Variants in FAXC observed in about 807,000 individuals in gnomAD.
The protein encoded by FAXC is failed axon connections homolog, metaxin like GST domain containing.
FAXC carries 10 observed loss-of-function variants against 41.9 expected under a neutral mutation model. The ratio of observed to expected loss-of-function variants is 0.24; its 90% CI spans 0.15 to 0.41. The LOEUF (loss-of-function observed/expected upper bound fraction) is 0.41. Ranked by LOEUF, FAXC falls within the 10% of genes least tolerant of loss-of-function variation. The probability of loss-of-function intolerance (pLI) is 1.00; values close to 1 mark genes in which losing one functional copy is unlikely to be tolerated. For missense variants in FAXC, 399 were observed against 510.9 expected, an observed-to-expected ratio of 0.78 and a Z score of 2.11; for synonymous variants, 183 against 183.8, an observed-to-expected ratio of 1.00 and a Z score of 0.03.
At chr6:99,340,576 G>A (rs1305294961) in intron 2 of FAXC, among the ~76,000 whole-genome samples, 1 of 149,898 alleles carries the variant, frequency 6.7e-6, no homozygotes, top group African/African-American at 2.5e-5. Flanking sequence ...TTTATAATAA[G>A]ATATATGGGA....
In FAXC at chr6:99,333,459, A is replaced by G. The variant is rs1773102400; in HGVS notation, c.491T>C (p.Ile164Thr). Residue 164 changes from isoleucine to threonine, a missense_variant, in exon 3 of 6, where the codon ATT (isoleucine) becomes ACT (threonine). Around this residue, in one of 3 missense-constraint regions of FAXC, gnomAD observed 239 missense variants for 352.7 expected, o/e 0.68. Coordinates refer to ENST00000389677, the MANE Select transcript of FAXC (RefSeq NM_032511.4). The stretch of plus-strand genomic sequence containing the variant: ...TCCAAGCTTCTCTTCCAGAAAGTCA[A>G]TTATGAATTCTGTGCCAGAAACTTT... ...HEKVSGTEFI[I>T]DFLEEKLGVN... 6.2e-7 allele frequency: 1 copy of G among 1,614,170 alleles called. No individual in the cohort carries two copies. Among genetic ancestry groups the G allele is most frequent in the Non-Finnish European group, 8.5e-7 (1 of 1,180,028 alleles).
At chr6:99,289,711 G>A (rs1166533142) in intron 5 of FAXC, among the ~76,000 whole-genome samples, 1 of 149,772 alleles carries the variant, frequency 6.7e-6, no homozygotes, top group Non-Finnish European at 1.5e-5. Flanking sequence ...GTGTGTGTGT[G>A]TGTGTGTGTA....
At chr6:99,334,465 C>T in intron 2 of FAXC, 1 of 236,322 alleles carries the variant, frequency 4.2e-6, no homozygotes, top group Non-Finnish European at 6.9e-6. Context: ...CACTGTTGTG[C>T]AGTGAGCAAC....
chr6:99,297,556 G>A (rs1478403531), intron 4 of FAXC, among the ~76,000 whole-genome samples: 2 of 152,068 alleles, frequency 1.3e-5, no homozygotes, highest in African/African-American at 4.8e-5. Flanking sequence ...TGGGGGAGGG[G>A]GTGCCATACG....
intron 4 of FAXC, among the ~76,000 whole-genome samples, chr6:99,320,022 T>C (rs2128459077): frequency 6.6e-6 from 1 of 152,340 alleles, no homozygotes; most frequent in Middle Eastern, 3.4e-3. Flanking sequence ...ACAACTACAT[T>C]GTCAGAACCC....
chr6:99,322,864 A>T (rs768987749), intron 4 of FAXC, among the ~76,000 whole-genome samples: 4 of 152,192 alleles, frequency 2.6e-5, no homozygotes, highest in Non-Finnish European at 5.9e-5. Context: ...TGGTTTCCCA[A>T]ACAAAATTAT....
In FAXC at chr6:99,291,751, T is replaced by G; in HGVS notation, c.893A>C (p.Gln298Pro). The change falls in exon 5 of 6, where the codon CAG becomes CCG. Residue 298 changes from glutamine to proline, a missense_variant. Physicochemically the swap from Gln to Pro is moderately conservative, Grantham distance 76. This residue lies in a region of FAXC where 239 missense variants were observed against 352.7 expected (regional missense o/e 0.68). Transcript: ENST00000389677. ...LDATVFGHLAQAMWTLPGTRP... is the reference protein window; with the variant it reads ...LDATVFGHLAPAMWTLPGTRP... ...TGTCCCTGGTAAGGTCCACATTGCCTGTGCCAAGTGTCCAAAGACAGTGGC... is the reference window on the plus strand; with the variant it reads ...TGTCCCTGGTAAGGTCCACATTGCCGGTGCCAAGTGTCCAAAGACAGTGGC... 1 of 1,614,098 alleles carries G rather than the reference T, an allele frequency of 6.2e-7. No individual in the cohort carries two copies. Among genetic ancestry groups the G allele is most frequent in the Non-Finnish European group, 8.5e-7 (1 of 1,179,970 alleles).
chr6:99,286,980 T>C (rs1385854022), intron 5 of FAXC, among the ~76,000 whole-genome samples: 1 of 152,154 alleles, frequency 6.6e-6, no homozygotes, highest in Non-Finnish European at 1.5e-5. Flanking sequence ...TTATGCCCTT[T>C]GAGACAGTAA....
At chr6:99,321,936 C>T (rs1311666067) in intron 4 of FAXC, among the ~76,000 whole-genome samples, 4 of 152,186 alleles carry the variant, frequency 2.6e-5, no homozygotes, top group Non-Finnish European at 4.4e-5. Context: ...AGGCTCACAA[C>T]AGCATGAGCC....
intron 2 of FAXC, 59 bp from the exon 3 acceptor site, chr6:99,333,606 T>A: frequency 7.3e-7 from 1 of 1,372,114 alleles, no homozygotes; most frequent in Admixed American, 2.2e-5. Context: ...TTCCACTGCA[T>A]GATTAATAGA....
At chr6:99,325,474 C>G (rs1016841910) in intron 3 of FAXC, among the ~76,000 whole-genome samples, 1 of 152,144 alleles carries the variant, frequency 6.6e-6, no homozygotes, top group Non-Finnish European at 1.5e-5. Flanking sequence ...ACTGAAGAAT[C>G]AAGAAATAGT....
chr6:99,312,532 C>T lies in FAXC; in HGVS notation c.823+10912G>A, dbSNP rs867134219. 3.5e-4 allele frequency among the ~76,000 whole-genome samples: 54 copies of T among 152,244 alleles called. 1 individual carries two copies. The highest frequency in any genetic ancestry group is 1.2e-3 in the African/African-American group (50 of 41,550). On this transcript the variant is annotated intron_variant, in intron 4 of 5. Coordinates refer to ENST00000389677, the MANE Select transcript of FAXC (RefSeq NM_032511.4). ...CACCAACTTATACATGTTGTGTACC[C>T]GTTAAACCCTCAGACTCCCAGCTGA...
chr6:99,304,898 T>C (rs1043582021), intron 4 of FAXC, among the ~76,000 whole-genome samples: 15 of 152,158 alleles, frequency 9.9e-5, no homozygotes, highest in African/African-American at 3.6e-4. Context: ...ACCTCCAACA[T>C]AGCCCAGGGA....
At chr6:99,316,270 A>AG (rs1365469548) in intron 4 of FAXC, among the ~76,000 whole-genome samples, 1 of 151,700 alleles carries the variant, frequency 6.6e-6, no homozygotes, top group African/African-American at 2.4e-5. Flanking sequence ...TGGTGCTCGG[A>AG]GAAGCTTGAG....
chr6:99,338,120 A>G (rs1305540133), intron 2 of FAXC, among the ~76,000 whole-genome samples: 1 of 152,034 alleles, frequency 6.6e-6, no homozygotes, highest in Non-Finnish European at 1.5e-5. Context: ...CCCTTTCTAA[A>G]CCACAGCACC....
At chr6:99,335,020 T>C (rs2128463249) in intron 2 of FAXC, among the ~76,000 whole-genome samples, 1 of 152,336 alleles carries the variant, frequency 6.6e-6, no homozygotes, top group South Asian at 2.1e-4. Context: ...ATATCCATGC[T>C]TTTTAAAACA....
chr6:99,294,573 G>A (rs1187639758), intron 4 of FAXC, among the ~76,000 whole-genome samples: 1 of 152,112 alleles, frequency 6.6e-6, no homozygotes, highest in African/African-American at 2.4e-5. Context: ...CAGGATTTTT[G>A]TTGTGTGTGT....
intron 4 of FAXC, among the ~76,000 whole-genome samples, chr6:99,292,449 T>C (rs1168061246): frequency 6.6e-6 from 1 of 152,162 alleles, no homozygotes; most frequent in Non-Finnish European, 1.5e-5. Context: ...ACTGCTCCCA[T>C]CTCTCCATTT....
rs548828721 is a variant in FAXC, at chr6:99,344,591, A to AG, written c.267-1559_267-1558insC. Among the ~76,000 whole-genome samples the AG allele has an allele frequency of 3.6e-4, 53 of 147,080 alleles. 2 individuals are homozygous for AG. The East Asian group carries it at 9.7e-3, about 27-fold the overall frequency. On this transcript the variant is annotated intron_variant, in intron 1 of 5. Transcript: ENST00000389677. ...GACTCATTTTGAAAATATGTCAAGT[A>AG]AAAAAAAAAAATTGCTGCTTTCTGG...
Sources: gnomAD v4.1 joint callset for allele counts (sites outside exome capture counted in the v4.1 genomes callset) on GRCh38, gnomAD v4.1.1 for gene constraint, gnomAD v4.1.1 regional missense constraint, MANE v1.5 for transcripts, NCBI Gene and HGNC (gene_info 2026-07-23, HGNC 2026-07-21) for gene names.